Variants in IL1RAPL2 observed in about 807,000 individuals in gnomAD.
IL1RAPL2 encodes the protein X-linked interleukin-1 receptor accessory protein-like 2.
A neutral mutation model predicts 44.1 loss-of-function variants in IL1RAPL2; 3 were observed. That is an observed-to-expected ratio of 0.07 (90% CI 0.03 to 0.18). The LOEUF (loss-of-function observed/expected upper bound fraction) is 0.18, where lower values mean the gene tolerates loss of function less well. IL1RAPL2 is among the 10% of genes least tolerant of loss of function. The pLI is 1.00. For synonymous variants in IL1RAPL2, 181 were observed against 178.8 expected, an observed-to-expected ratio of 1.01 and a Z score of -0.10; for missense variants, 391 against 496.4, an observed-to-expected ratio of 0.79 and a Z score of 2.02.
intron 2 of IL1RAPL2, among the ~76,000 whole-genome samples, chrX:104,675,920 A>C (rs1352022092): frequency 9.5e-6 from 1 of 104,754 alleles, no homozygotes; most frequent in Non-Finnish European, 2.0e-5. Context: ...TAGGATTGCA[A>C]CCCCTGCCTT....
chrX:105,134,184 A>G (rs1188515299), intron 2 of IL1RAPL2, among the ~76,000 whole-genome samples: 1 of 112,125 alleles, frequency 8.9e-6, no homozygotes, highest in Non-Finnish European at 1.9e-5. Flanking sequence ...TTCAAAATTG[A>G]TTTAGTCATA....
chrX:105,529,990 A>C (rs1360176189), intron 6 of IL1RAPL2, among the ~76,000 whole-genome samples: 1 of 112,295 alleles, frequency 8.9e-6, no homozygotes, highest in African/African-American at 3.2e-5. Context: ...GCTATGGTAA[A>C]TAGTGCTGCT....
chrX:105,082,700 G>A (rs1028835406), intron 2 of IL1RAPL2, among the ~76,000 whole-genome samples: 2 of 111,876 alleles, frequency 1.8e-5, no homozygotes, highest in Admixed American at 1.9e-4. Flanking sequence ...CAGACCTGCA[G>A]CAGACGGGCC....
chrX:105,614,832 T>A, intron 6 of IL1RAPL2, among the ~76,000 whole-genome samples: 1 of 110,793 alleles, frequency 9.0e-6, no homozygotes, highest in African/African-American at 3.3e-5. Context: ...ACAAATGGTA[T>A]CACATCAAGT....
intron 2 of IL1RAPL2, among the ~76,000 whole-genome samples, chrX:104,839,466 A>G (rs935350261): frequency 5.4e-5 from 6 of 111,677 alleles, no homozygotes; most frequent in Non-Finnish European, 9.4e-5. Context: ...GCTTTTTGAT[A>G]TGCTGCTGGA....
At chrX:105,363,290 A>T (rs867497902) in intron 5 of IL1RAPL2, among the ~76,000 whole-genome samples, 10 of 53,769 alleles carry the variant, frequency 1.9e-4, no homozygotes, top group African/African-American at 6.5e-4. Flanking sequence ...TATATATATA[A>T]TATATATATA....
intron 5 of IL1RAPL2, among the ~76,000 whole-genome samples, chrX:105,462,737 A>G (rs2036101498): frequency 9.0e-6 from 1 of 111,208 alleles, no homozygotes; most frequent in Non-Finnish European, 1.9e-5. Flanking sequence ...GTTGTTTTTA[A>G]CATCAATGCT....
At chrX:104,852,806 C>T (rs1363308184) in intron 2 of IL1RAPL2, among the ~76,000 whole-genome samples, 1 of 111,913 alleles carries the variant, frequency 8.9e-6, no homozygotes, top group Admixed American at 9.5e-5. Flanking sequence ...GCTACTGCAT[C>T]TGCCATTTAT....
At chrX:105,670,594 C>A (rs1466701848) in intron 6 of IL1RAPL2, among the ~76,000 whole-genome samples, 1 of 100,705 alleles carries the variant, frequency 9.9e-6, no homozygotes, top group African/African-American at 3.6e-5. Context: ...CCACCGCGCC[C>A]GGCCAATCTT....
At chrX:104,782,965 G>A (rs191430096) in intron 2 of IL1RAPL2, among the ~76,000 whole-genome samples, 1 of 112,012 alleles carries the variant, frequency 8.9e-6, no homozygotes, top group African/African-American at 3.2e-5. Context: ...TGTTCTAGGA[G>A]TAGTTAGTAG....
At chrX:105,420,412 A>G (rs1347828707) in intron 5 of IL1RAPL2, among the ~76,000 whole-genome samples, 1 of 111,522 alleles carries the variant, frequency 9.0e-6, no homozygotes, top group African/African-American at 3.3e-5. Context: ...TAGTTCAGAG[A>G]AAGTTTTTAT....
intron 2 of IL1RAPL2, among the ~76,000 whole-genome samples, chrX:104,879,481 T>G (rs1602776797): frequency 9.0e-6 from 1 of 110,837 alleles, no homozygotes; most frequent in South Asian, 3.7e-4. Flanking sequence ...ATCATGTTTG[T>G]GCCAAATGGC....
chrX:104,908,446 T>G (rs1332327844), intron 2 of IL1RAPL2, among the ~76,000 whole-genome samples: 1 of 111,695 alleles, frequency 9.0e-6, no homozygotes, highest in Non-Finnish European at 1.9e-5. Flanking sequence ...TGGTACCGGT[T>G]GTTCCTTTCC....
intron 5 of IL1RAPL2, among the ~76,000 whole-genome samples, chrX:105,317,746 C>T (rs917118555): frequency 1.8e-5 from 2 of 110,169 alleles, no homozygotes; most frequent in Non-Finnish European, 3.8e-5. Context: ...TTTTTTCCCC[C>T]CTGAGAACAA....
chrX:104,572,671 T>C (rs984625528), intron 1 of IL1RAPL2, among the ~76,000 whole-genome samples: 2 of 112,171 alleles, frequency 1.8e-5, no homozygotes, highest in African/African-American at 6.5e-5. Flanking sequence ...CACAGCTCAC[T>C]GTAGTCTTGA....
chrX:104,835,598 G>A (rs987929915), intron 2 of IL1RAPL2, among the ~76,000 whole-genome samples: 7 of 111,217 alleles, frequency 6.3e-5, no homozygotes, highest in African/African-American at 2.3e-4. Flanking sequence ...TCAAAACTTT[G>A]TACAGAGCTA....
intron 6 of IL1RAPL2, among the ~76,000 whole-genome samples, chrX:105,486,716 A>G (rs2036269522): frequency 2.1e-5 from 2 of 96,110 alleles, no homozygotes; most frequent in South Asian, 8.4e-4. Context: ...ATTTATCCAC[A>G]TATATATCTA....
chrX:104,660,542 T>A (rs1413987030), intron 2 of IL1RAPL2, among the ~76,000 whole-genome samples: 1 of 102,129 alleles, frequency 9.8e-6, no homozygotes, highest in African/African-American at 3.5e-5. Flanking sequence ...TGTTAAAATA[T>A]ATATATATTT....
chrX:104,633,691 C>A (rs1929714119), intron 1 of IL1RAPL2, among the ~76,000 whole-genome samples: 1 of 110,996 alleles, frequency 9.0e-6, no homozygotes, highest in East Asian at 2.8e-4. Context: ...GGTGATATCC[C>A]CTTTATCATT....
Sources: allele counts gnomAD v4.1 joint callset (sites outside exome capture counted in the v4.1 genomes callset), GRCh38; gene constraint gnomAD v4.1.1; transcripts MANE v1.5; gene names NCBI Gene and HGNC (gene_info 2026-07-23, HGNC 2026-07-21).